Variants in ACACA observed in about 807,000 individuals in gnomAD.
ACACA encodes acetyl-CoA carboxylase alpha.
Under a neutral mutation model 296.1 loss-of-function variants are expected in ACACA, and 103 were observed. The ratio of observed to expected loss-of-function variants is 0.35; its 90% CI spans 0.30 to 0.41. The LOEUF (loss-of-function observed/expected upper bound fraction) is 0.41. Among genes scored for constraint, ACACA ranks in the 10% least tolerant of loss-of-function variants. The probability of loss-of-function intolerance (pLI) is 1.00; values close to 1 mark genes in which losing one functional copy is unlikely to be tolerated. For missense variants in ACACA, 1,554 were observed against 2,989.7 expected (o/e 0.52, Z 11.20); for synonymous variants, 953 against 1,038.6 (o/e 0.92, Z 1.58).
At chr17:37,216,857 C>CA (rs570566462) in intron 29 of ACACA, among the ~76,000 whole-genome samples, 4 of 150,562 alleles carry the variant, frequency 2.7e-5, no homozygotes, top group African/African-American at 4.9e-5. Context: ...AAAACAAAAA[C>CA]AAAAAAAACT....
At chr17:37,351,527 A>T (rs1268905265) in intron 1 of ACACA, among the ~76,000 whole-genome samples, 1 of 152,228 alleles carries the variant, frequency 6.6e-6, no homozygotes, top group Non-Finnish European at 1.5e-5. Context: ...CCAACTGAAG[A>T]TTTTAAGTAA....
intron 1 of ACACA, chr17:37,388,859 C>T: frequency 6.4e-7 from 1 of 1,570,538 alleles, no homozygotes; most frequent in African/African-American, 1.3e-5. Flanking sequence ...GTTCCAGAGG[C>T]AGCTTGGCAT....
At chr17:37,088,288 T>A (rs1056840849) in intron 55 of ACACA, among the ~76,000 whole-genome samples, 1 of 152,174 alleles carries the variant, frequency 6.6e-6, no homozygotes, top group African/African-American at 2.4e-5. Flanking sequence ...ACTGAAATAT[T>A]TGGGGGTAAA....
At chr17:37,322,310 C>A (rs1337903191) in intron 3 of ACACA, among the ~76,000 whole-genome samples, 2 of 152,154 alleles carry the variant, frequency 1.3e-5, no homozygotes, top group Non-Finnish European at 2.9e-5. Flanking sequence ...ACAGCAAATA[C>A]AGATTGTTCT....
chr17:37,314,568 G>A (rs182050758), intron 3 of ACACA, among the ~76,000 whole-genome samples: 88 of 151,432 alleles, frequency 5.8e-4, no homozygotes, highest in African/African-American at 2.1e-3. Flanking sequence ...TTAGAATAAC[G>A]ATTCCTGGGC....
chr17:37,129,941 A>G, intron 46 of ACACA, 134 bp downstream of exon 46: 2 of 1,293,726 alleles, frequency 1.5e-6, no homozygotes, highest in Non-Finnish European at 2.2e-6. Flanking sequence ...AAGAGAAATC[A>G]ATAGCTTTCA....
intron 25 of ACACA, among the ~76,000 whole-genome samples, chr17:37,231,113 C>G (rs1001850887): frequency 6.6e-6 from 1 of 152,060 alleles, no homozygotes; most frequent in Admixed American, 6.5e-5. Context: ...GTGGCTCATG[C>G]CTGTAGTCCC....
intron 1 of ACACA, among the ~76,000 whole-genome samples, chr17:37,381,028 C>T (rs1357704534): frequency 6.6e-6 from 1 of 151,948 alleles, no homozygotes; most frequent in Non-Finnish European, 1.5e-5. Flanking sequence ...CCTGATGGAA[C>T]CACTATTATC....
chr17:37,182,469 T>C lies in ACACA; in HGVS notation c.4777-1113A>G, dbSNP rs551871687. On this transcript the variant is annotated intron_variant, in intron 39 of 55. Coordinates refer to ENST00000616317, the MANE Select transcript of ACACA (RefSeq NM_198834.3). The stretch of plus-strand genomic sequence containing the variant: ...AAATCACTACACTGGTTTTTAATCA[T>C]TTTAACTCAAATATTTCTAGAGGAG... Among the ~76,000 whole-genome samples, 9 of 152,268 alleles carry C rather than the reference T, an allele frequency of 5.9e-5. No homozygotes were observed. The South Asian group carries it at 1.2e-3, about 21-fold the overall frequency.
At chr17:37,246,344 A>C (rs764108493) in intron 19 of ACACA, among the ~76,000 whole-genome samples, 2 of 152,202 alleles carry the variant, frequency 1.3e-5, no homozygotes, top group African/African-American at 2.4e-5. Flanking sequence ...TATGTGTTTT[A>C]AAAATCTTAA....
At chr17:37,285,749 G>A (rs2082737073) in intron 3 of ACACA, among the ~76,000 whole-genome samples, 1 of 151,966 alleles carries the variant, frequency 6.6e-6, no homozygotes, top group Non-Finnish European at 1.5e-5. Flanking sequence ...TAAATTGCTT[G>A]GGCACGTGTG....
chr17:37,151,209 T>A, intron 44 of ACACA, 92 bp downstream of exon 44: 1 of 1,418,580 alleles, frequency 7.0e-7, no homozygotes, highest in Non-Finnish European at 9.9e-7. Flanking sequence ...AGAAATGCTC[T>A]CATTTGGGAC....
Position 37,113,351 on chromosome 17 carries a change from C to A in ACACA, c.6275-86G>T. 2.9e-6 allele frequency: 4 copies of A among 1,401,800 alleles called. No homozygotes were observed. In the South Asian group the frequency reaches 4.9e-5, roughly 17 times the overall value. 86.8% of individuals were successfully genotyped at this position (1,401,800 alleles called of 1,614,324 possible). On this transcript the variant is annotated intron_variant, in intron 50 of 55. Coordinates refer to ENST00000616317, the MANE Select transcript of ACACA (RefSeq NM_198834.3). The surrounding 1 kb of genome is among the most constrained non-coding windows in gnomAD (Gnocchi z 4.0). Reference sequence around the variant, plus strand: ...AAACACTGTTCAGGACCTCTGGCCACGAAGAGCCTCCTTATACTATGCCTC... The same window carrying A: ...AAACACTGTTCAGGACCTCTGGCCAAGAAGAGCCTCCTTATACTATGCCTC...
intron 3 of ACACA, among the ~76,000 whole-genome samples, chr17:37,302,202 CTTTTT>C (rs1238449451): frequency 8.3e-6 from 1 of 120,824 alleles, no homozygotes. Context: ...GTCTGGAACT[CTTTTT>C]TTTTTTTTTT....
intron 11 of ACACA, among the ~76,000 whole-genome samples, chr17:37,262,627 G>A (rs574049705): frequency 6.6e-6 from 1 of 152,140 alleles, no homozygotes; most frequent in East Asian, 1.9e-4. Flanking sequence ...ACAAAAACAG[G>A]CAACAGGTGA....
intron 2 of ACACA, among the ~76,000 whole-genome samples, chr17:37,330,725 T>C: frequency 6.6e-6 from 1 of 152,234 alleles, no homozygotes; most frequent in East Asian, 1.9e-4. Flanking sequence ...GAAATAATTA[T>C]GATCAATGGG....
rs2050677632 is a variant in ACACA at position 37,389,149 on chromosome 17, G to C, written c.38+17113C>G. ...ATAGGACTGAATATTTTATTTAGAA[G>C]AGATGGCTTCCTTTAAGTTGCCCAA... is the stretch of plus-strand genomic sequence containing the variant. On this transcript the variant is annotated intron_variant, in intron 1 of 55. Transcript: ENST00000616317. 3.5e-6 allele frequency: 5 copies of C among 1,415,242 alleles called. No homozygotes were observed. The South Asian group carries it at 6.9e-5, about 20-fold the overall frequency. The allele number at this position is 1,415,242 out of a possible 1,614,324, so 87.7% of individuals were successfully genotyped here.
intron 1 of ACACA, among the ~76,000 whole-genome samples, chr17:37,393,967 C>G (rs1246057817): frequency 6.6e-6 from 1 of 152,098 alleles, no homozygotes; most frequent in African/African-American, 2.4e-5. Context: ...CTCCCTAATC[C>G]ATTAATAACT....
intron 50 of ACACA, among the ~76,000 whole-genome samples, chr17:37,116,577 G>A (rs61053029): frequency 6.6e-5 from 10 of 152,182 alleles, no homozygotes; most frequent in African/African-American, 2.4e-4. Context: ...ACATGTTTGG[G>A]ACTAATATAT....
Sources: gnomAD v4.1 joint callset for allele counts (sites outside exome capture counted in the v4.1 genomes callset) on GRCh38, gnomAD v4.1.1 for gene constraint, Gnocchi (gnomAD v3.1) non-coding constraint, MANE v1.5 for transcripts, NCBI Gene and HGNC (gene_info 2026-07-23, HGNC 2026-07-21) for gene names.